IPO11: variants seen among roughly 807,000 people sequenced by gnomAD.
IPO11 encodes the protein importin 11, also known as importin-11.
Under a neutral mutation model 143.2 loss-of-function variants are expected in IPO11, and 66 were observed. The observed-to-expected ratio is 0.46, with a 90% CI of 0.38 to 0.57. The LOEUF (loss-of-function observed/expected upper bound fraction) is 0.57. Ranked by LOEUF, IPO11 falls within the 20% of genes least tolerant of loss-of-function variation. The pLI is 0.00. For missense variants in IPO11, 1,026 were observed against 1,141.0 expected, an observed-to-expected ratio of 0.90 and a Z score of 1.45; for synonymous variants, 385 against 377.8, an observed-to-expected ratio of 1.02 and a Z score of -0.22.
At chr5:62,583,289 A>G (rs1013839109) in intron 27 of IPO11, among the ~76,000 whole-genome samples, 15 of 152,138 alleles carry the variant, frequency 9.9e-5, no homozygotes, top group African/African-American at 3.4e-4. Context: ...TAGGCTGAAA[A>G]CTTCTCCATG....
chr5:62,584,635 AAAAGG>A (rs1410461803), intron 27 of IPO11, among the ~76,000 whole-genome samples: 1 of 149,940 alleles, frequency 6.7e-6, no homozygotes, highest in African/African-American at 2.4e-5. Context: ...AAAAAAAAAA[AAAAGG>A]AAATAGGAGC....
intron 28 of IPO11, among the ~76,000 whole-genome samples, chr5:62,593,458 G>A (rs147209525): frequency 6.6e-6 from 1 of 152,170 alleles, no homozygotes; most frequent in African/African-American, 2.4e-5. Flanking sequence ...AGACCAGCCT[G>A]GCCAACATGG....
At chr5:62,626,440 A>C (rs945114638) in intron 29 of IPO11, among the ~76,000 whole-genome samples, 9 of 152,222 alleles carry the variant, frequency 5.9e-5, no homozygotes, top group African/African-American at 2.2e-4. Context: ...TTTTTCCGGT[A>C]ACACTCTTGG....
intron 27 of IPO11, among the ~76,000 whole-genome samples, chr5:62,584,905 C>T (rs771615217): frequency 2.0e-5 from 3 of 152,124 alleles, no homozygotes; most frequent in Non-Finnish European, 4.4e-5. Context: ...AGTACACCTG[C>T]TGCTGGCCCA....
At chr5:62,546,464 G>A (rs1034385323) in intron 24 of IPO11, among the ~76,000 whole-genome samples, 3 of 152,120 alleles carry the variant, frequency 2.0e-5, no homozygotes, top group African/African-American at 7.2e-5. Flanking sequence ...TGGGGGAGTG[G>A]GGAGGGATAG....
intron 5 of IPO11, among the ~76,000 whole-genome samples, chr5:62,455,231 A>G (rs2112168598): frequency 6.6e-6 from 1 of 152,296 alleles, no homozygotes; most frequent in East Asian, 1.9e-4. Context: ...TTAGTTTCCT[A>G]CATAAAAAAA....
At chr5:62,602,149 C>G (rs769336589) in intron 29 of IPO11, among the ~76,000 whole-genome samples, 1 of 151,988 alleles carries the variant, frequency 6.6e-6, no homozygotes, top group Non-Finnish European at 1.5e-5. Context: ...AATGTTTATT[C>G]TTCTGTTTTG....
At chr5:62,516,899 TA>T (rs990234666) in intron 20 of IPO11, among the ~76,000 whole-genome samples, 344 of 141,934 alleles carry the variant, frequency 2.4e-3, no homozygotes, top group Middle Eastern at 0.01. Context: ...CTAAAGCACT[TA>T]AAAAAAAAAA....
chr5:62,602,494 C>A (rs186643220), intron 29 of IPO11, among the ~76,000 whole-genome samples: 1 of 152,050 alleles, frequency 6.6e-6, no homozygotes, highest in East Asian at 1.9e-4. Context: ...ATTTAACTAA[C>A]TTTATTATAC....
chr5:62,500,425 A>C (rs1019187976), intron 16 of IPO11, among the ~76,000 whole-genome samples: 1 of 152,234 alleles, frequency 6.6e-6, no homozygotes, highest in Non-Finnish European at 1.5e-5. Context: ...TGTAGCATAT[A>C]CATAAGCCAG....
chr5:62,503,864 T>C (rs1741447037), intron 16 of IPO11, among the ~76,000 whole-genome samples: 1 of 152,074 alleles, frequency 6.6e-6, no homozygotes, highest in Non-Finnish European at 1.5e-5. Flanking sequence ...GGAAAGAAAA[T>C]AACAGTTGCT....
chr5:62,598,531 C>T (rs1433288953), intron 28 of IPO11, among the ~76,000 whole-genome samples: 2 of 10,758 alleles, frequency 1.9e-4, no homozygotes, highest in African/African-American at 2.3e-3. Context: ...TCTTTCTTTT[C>T]TTTCTTTTCT....
intron 24 of IPO11, among the ~76,000 whole-genome samples, chr5:62,539,343 A>G (rs931121922): frequency 2.0e-5 from 3 of 152,150 alleles, no homozygotes; most frequent in African/African-American, 4.8e-5. Flanking sequence ...CCGCTGTCAC[A>G]TGATGTTCTC....
intron 24 of IPO11, among the ~76,000 whole-genome samples, chr5:62,544,416 A>G (rs2112336593): frequency 6.6e-6 from 1 of 152,232 alleles, no homozygotes; most frequent in Non-Finnish European, 1.5e-5. Flanking sequence ...CATGCTAAAA[A>G]CCCTCAATAA....
At chr5:62,517,611 C>G (rs1316319078) in intron 20 of IPO11, among the ~76,000 whole-genome samples, 1 of 152,158 alleles carries the variant, frequency 6.6e-6, no homozygotes, top group Non-Finnish European at 1.5e-5. Flanking sequence ...CCATGTTGGT[C>G]AGGCTGGTCT....
intron 9 of IPO11, among the ~76,000 whole-genome samples, chr5:62,481,350 G>A (rs184159280): frequency 5.9e-5 from 9 of 152,254 alleles, no homozygotes; most frequent in Non-Finnish European, 1.0e-4. Flanking sequence ...TTTTCAAAGG[G>A]AATGCTTCCA....
intron 26 of IPO11, among the ~76,000 whole-genome samples, chr5:62,558,609 GA>G (rs1743656519): frequency 1.3e-5 from 2 of 151,892 alleles, no homozygotes; most frequent in Admixed American, 6.6e-5. Context: ...AACAGTCAGG[GA>G]AAAAAGTAAA....
chr5:62,541,680 C>CA (rs891837949), intron 24 of IPO11, among the ~76,000 whole-genome samples: 47 of 135,806 alleles, frequency 3.5e-4, no homozygotes, highest in Middle Eastern at 3.7e-3. Flanking sequence ...GACCCTGTTT[C>CA]AAAAAAAAAA....
intron 28 of IPO11, among the ~76,000 whole-genome samples, chr5:62,600,039 C>CT (rs1372825511): frequency 2.6e-5 from 4 of 151,948 alleles, no homozygotes; most frequent in African/African-American, 7.3e-5. Flanking sequence ...GATAAATCTT[C>CT]TTTTTTTGGG....
Sources: allele counts gnomAD v4.1 joint callset (sites outside exome capture counted in the v4.1 genomes callset), GRCh38; gene constraint gnomAD v4.1.1; transcripts MANE v1.5; gene names NCBI Gene and HGNC (gene_info 2026-07-23, HGNC 2026-07-21).